Variants in SYNE1 observed in about 807,000 individuals in gnomAD.
SYNE1 encodes spectrin repeat containing nuclear envelope protein 1.
In SYNE1, 616 loss-of-function variants were observed where a neutral mutation model predicts 1,111.0. That is an observed-to-expected ratio of 0.55 (90% CI 0.52 to 0.59). The LOEUF is 0.59. SYNE1 is among the 20% of genes least tolerant of loss of function. SYNE1 has a pLI of 0.00. For missense variants in SYNE1, 10,006 were observed against 10,417.0 expected (o/e 0.96, Z 1.72); for synonymous variants, 3,855 against 3,825.8 (o/e 1.01, Z -0.28).
At chr6:152,198,968 C>T (rs552749797) in intron 127 of SYNE1, among the ~76,000 whole-genome samples, 1 of 142,990 alleles carries the variant, frequency 7.0e-6, no homozygotes, top group South Asian at 2.3e-4. Flanking sequence ...GCAGCAATGC[C>T]ACAATCTTCA....
At chr6:152,532,248 T>C (rs1005460847) in intron 4 of SYNE1, among the ~76,000 whole-genome samples, 1 of 152,178 alleles carries the variant, frequency 6.6e-6, no homozygotes, top group Admixed American at 6.5e-5. Flanking sequence ...ATTAATAATT[T>C]AGTATTTAAC....
chr6:152,276,227 G>A (rs561382375), intron 98 of SYNE1, among the ~76,000 whole-genome samples: 1 of 151,830 alleles, frequency 6.6e-6, no homozygotes, highest in Non-Finnish European at 1.5e-5. Flanking sequence ...TAGAGATGGG[G>A]TTTCACCATG....
Position 152,400,004 on chromosome 6 carries a change from G to A in SYNE1, c.7030-181C>T, listed in dbSNP as rs756631447. Among the ~76,000 whole-genome samples the A allele has an allele frequency of 3.9e-4, 60 of 152,080 alleles. No individual in the cohort carries two copies. In the Middle Eastern group the frequency reaches 0.01, roughly 26 times the overall value. On this transcript the variant is annotated intron_variant, in intron 47 of 145. Coordinates refer to ENST00000367255, the MANE Select transcript of SYNE1 (RefSeq NM_182961.4). ...TCTGTACTGATTCTTTCAGAATTTT[G>A]CCCAGTTCTCCTTGGGAACAAACAG...
At position 152,330,338 on chromosome 6, in the gene SYNE1, G is replaced by A. The variant is rs1468183414; in HGVS notation, c.14347C>T (p.His4783Tyr). The A allele has an allele frequency of 5.6e-6, 9 of 1,614,040 alleles. No individual in the cohort carries two copies. Among genetic ancestry groups the A allele is most frequent in the Non-Finnish European group, 7.6e-6 (9 of 1,180,054 alleles). The change falls in exon 78 of 146, where the codon CAC (histidine) becomes TAC (tyrosine). Residue 4783 changes from histidine to tyrosine, a missense_variant. Around this residue, in one of 7 missense-constraint regions of SYNE1, gnomAD observed 4,955 missense variants for 5,017.2 expected, o/e 0.99. Transcript: ENST00000367255. ...LEDTTSAYQE[H>Y]EKMCQQLERQ... The stretch of plus-strand genomic sequence containing the variant: ...TCCAGCTGTTGGCACATCTTCTCGT[G>A]TTCTTGGTAAGCACTGGTGGTGTCT...
chr6:152,428,191 A>C lies in SYNE1; in HGVS notation c.4976+14T>G. 6.2e-7 allele frequency: 1 copy of C among 1,612,534 alleles called. No individual in the cohort carries two copies. On this transcript the variant is annotated intron_variant, in intron 37 of 145. Coordinates refer to ENST00000367255, the MANE Select transcript of SYNE1 (RefSeq NM_182961.4). ...ATTTAGTAGTGCAGCAACTCAAGGA[A>C]AAGTGCTGCTCACCTCTGCCAGTGG... is the stretch of plus-strand genomic sequence containing the variant.
chr6:152,304,684 A>G (rs770670720), intron 91 of SYNE1, among the ~76,000 whole-genome samples: 7 of 152,210 alleles, frequency 4.6e-5, no homozygotes, highest in Non-Finnish European at 1.0e-4. Context: ...CTTTGTAATC[A>G]CATGGCTGGG....
At chr6:152,336,800 T>A (rs746778109) in intron 76 of SYNE1, 41 bp downstream of exon 76, 1 of 1,606,596 alleles carries the variant, frequency 6.2e-7, no homozygotes, top group Non-Finnish European at 8.5e-7. Context: ...TTCTACTCTG[T>A]TGGCCTCTTT....
Position 152,385,851 on chromosome 6 carries a change from G to T in SYNE1, c.8488-13C>A. 6.2e-7 allele frequency: 1 copy of T among 1,613,702 alleles called. No homozygotes were observed. The highest frequency in any genetic ancestry group is 8.5e-7 in the Non-Finnish European group (1 of 1,179,844). Reference sequence around the variant, plus strand: ...TCCTCATTTTTTCCTAGTAAACAAAGAAAAGACTACCTTAACAGTGGTCCT... The same window carrying T: ...TCCTCATTTTTTCCTAGTAAACAAATAAAAGACTACCTTAACAGTGGTCCT... On this transcript the variant is annotated splice_polypyrimidine_tract_variant and intron_variant, in intron 54 of 145. Coordinates refer to ENST00000367255, the MANE Select transcript of SYNE1 (RefSeq NM_182961.4).
Position 152,300,747 on chromosome 6 carries a change from G to A in SYNE1, c.17576C>T (p.Pro5859Leu), listed in dbSNP as rs769058871. 39 of 1,614,204 alleles carry A rather than the reference G, an allele frequency of 2.4e-5. No individual in the cohort carries two copies. Among genetic ancestry groups the A allele is most frequent in the Middle Eastern group, 1.6e-4 (1 of 6,062 alleles). ...CTCCTCCCCAGACTCCTCAGTGACC[G>A]GTGACAGCAAAGTGTGACAGCGACC... ...TAGRCHTLLS[P>L]VTEESGEEGT... Residue 5859 changes from proline to leucine, a missense_variant, in exon 93 of 146, where the codon CCG becomes CTG. Physicochemically the swap from Pro to Leu is moderately conservative, Grantham distance 98. Around this residue, in one of 7 missense-constraint regions of SYNE1, gnomAD observed 4,955 missense variants for 5,017.2 expected, o/e 0.99. Transcript: ENST00000367255.
chr6:152,620,321 C>T (rs2099672561), intron 3 of SYNE1, among the ~76,000 whole-genome samples: 1 of 152,076 alleles, frequency 6.6e-6, no homozygotes, highest in African/African-American at 2.4e-5. Flanking sequence ...TTCTTCTTAT[C>T]TGTCCGGGCT....
In SYNE1 at chr6:152,180,311, G is replaced by C; in HGVS notation, c.23302-17C>G. 6.2e-7 allele frequency: 1 copy of C among 1,613,342 alleles called. No individual in the cohort carries two copies. Among genetic ancestry groups the C allele is most frequent in the Non-Finnish European group, 8.5e-7 (1 of 1,179,666 alleles). On this transcript the variant is annotated splice_polypyrimidine_tract_variant and intron_variant, in intron 128 of 145. Transcript: ENST00000367255. ...TAAGGAGAGCTGAAAAGTTTAAAAT[G>C]GGAGAATAGGCAAAATGATTATCAG...
In SYNE1 at chr6:152,244,631, A is replaced by G; in HGVS notation, c.19598T>C (p.Leu6533Pro). ...IEAIQQAEDGLKEFDAGIIEL... is the reference protein window; with the variant it reads ...IEAIQQAEDGPKEFDAGIIEL... ...AATGATTCCTGCATCAAATTCTTTG[A>G]GTCCATCTTCAGCCTGTTGTATTGC... Residue 6533 changes from leucine (L) to proline (P), a missense_variant, in exon 106 of 146, where the codon CTC becomes CCC. Around this residue, in one of 7 missense-constraint regions of SYNE1, gnomAD observed 2,182 missense variants for 2,287.8 expected, o/e 0.95. Transcript: ENST00000367255. 6.2e-7 allele frequency: 1 copy of G among 1,614,016 alleles called. No homozygotes were observed. Among genetic ancestry groups the G allele is most frequent in the Non-Finnish European group, 8.5e-7 (1 of 1,179,920 alleles).
At chr6:152,352,805 C>A (rs1452671560) in intron 69 of SYNE1, among the ~76,000 whole-genome samples, 1 of 152,154 alleles carries the variant, frequency 6.6e-6, no homozygotes, top group South Asian at 2.1e-4. Context: ...ATTTGACGTG[C>A]CAGGAATCAG....
chr6:152,274,182 T>C (rs1424372094), intron 98 of SYNE1, among the ~76,000 whole-genome samples: 1 of 152,212 alleles, frequency 6.6e-6, no homozygotes, highest in Non-Finnish European at 1.5e-5. Flanking sequence ...TCAGTTTTAG[T>C]ATGTGTAACC....
At chr6:152,439,746 A>G (rs554880430) in intron 32 of SYNE1, among the ~76,000 whole-genome samples, 4 of 152,284 alleles carry the variant, frequency 2.6e-5, no homozygotes, top group African/African-American at 7.2e-5. Context: ...AAGGGTGGGC[A>G]CAAGGCTCTT....
intron 84 of SYNE1, chr6:152,320,267 C>T (rs2095841170): frequency 6.6e-6 from 1 of 152,060 alleles, no homozygotes; most frequent in East Asian, 1.9e-4. Flanking sequence ...TAGTAAAGAG[C>T]ATTTATCAGT....
At chr6:152,617,862 T>C (rs933334907) in intron 3 of SYNE1, among the ~76,000 whole-genome samples, 3 of 152,094 alleles carry the variant, frequency 2.0e-5, no homozygotes, top group Non-Finnish European at 4.4e-5. Flanking sequence ...AAAAAGAACA[T>C]GTAAGGCAGG....
chr6:152,600,540 C>T (rs182601625), intron 3 of SYNE1, among the ~76,000 whole-genome samples: 103 of 152,076 alleles, frequency 6.8e-4, no homozygotes, highest in African/African-American at 2.3e-3. Context: ...TAACTTTTTT[C>T]CCTTGGGGTT....
At chr6:152,424,906 T>A (rs1409929769) in intron 39 of SYNE1, among the ~76,000 whole-genome samples, 1 of 152,194 alleles carries the variant, frequency 6.6e-6, no homozygotes, top group Non-Finnish European at 1.5e-5. Context: ...TAGATGCCAA[T>A]TGTTAATCAC....
Sources: gnomAD v4.1 joint callset for allele counts (sites outside exome capture counted in the v4.1 genomes callset) on GRCh38, gnomAD v4.1.1 for gene constraint, gnomAD v4.1.1 regional missense constraint, MANE v1.5 for transcripts, NCBI Gene and HGNC (gene_info 2026-07-23, HGNC 2026-07-21) for gene names.